Variants in DPH6 observed in about 807,000 individuals in gnomAD.
DPH6 encodes the protein diphthamine biosynthesis 6, also known as diphthine--ammonia ligase.
DPH6 carries 33 observed loss-of-function variants against 38.2 expected under a neutral mutation model. The observed-to-expected ratio is 0.86, with a 90% CI of 0.65 to 1.15. The LOEUF (loss-of-function observed/expected upper bound fraction) is 1.15, where lower values mean the gene tolerates loss of function less well. Ranked by LOEUF, DPH6 falls within the 50% of genes most tolerant of loss-of-function variation. The probability of loss-of-function intolerance (pLI) is 0.00; values close to 1 mark genes in which losing one functional copy is unlikely to be tolerated. For synonymous variants in DPH6, 108 were observed against 103.0 expected (o/e 1.05, Z -0.30); for missense variants, 325 against 320.0 (o/e 1.02, Z -0.12).
chr15:35,506,457 G>A (rs1328972528), intron 3 of DPH6, among the ~76,000 whole-genome samples: 2 of 152,128 alleles, frequency 1.3e-5, no homozygotes, highest in African/African-American at 4.8e-5. Flanking sequence ...AGAAGAGTCT[G>A]AGTGCCAGCA....
chr15:35,339,206 A>G (rs1046864128), intron 3 of DPH6, among the ~76,000 whole-genome samples: 3 of 151,386 alleles, frequency 2.0e-5, no homozygotes, highest in African/African-American at 7.3e-5. Flanking sequence ...ATAAATAAAT[A>G]TATAAATTTC....
intron 3 of DPH6, among the ~76,000 whole-genome samples, chr15:35,227,269 C>T (rs1313790358): frequency 8.1e-5 from 12 of 148,944 alleles, no homozygotes; most frequent in South Asian, 2.1e-4. Flanking sequence ...CTGCAAGCTC[C>T]GCCTCCCGGG....
chr15:35,459,029 C>T (rs1373825048), intron 3 of DPH6, among the ~76,000 whole-genome samples: 2 of 152,144 alleles, frequency 1.3e-5, no homozygotes, highest in Admixed American at 1.3e-4. Flanking sequence ...AAAATATATA[C>T]ATGTTTTAAA....
intron 3 of DPH6, among the ~76,000 whole-genome samples, chr15:35,478,404 C>CACAT (rs1337564814): frequency 0.014 from 1,844 of 136,314 alleles, 18 homozygotes; most frequent in East Asian, 0.025. Flanking sequence ...CACACACACA[C>CACAT]AAAGATTGTA....
Position 35,242,787 on chromosome 15 carries a change from T to C in DPH6, n.201-22205A>G, listed in dbSNP as rs2051609264. Among the ~76,000 whole-genome samples the C allele has an allele frequency of 1.4e-5, 2 of 142,070 alleles. 1 individual carries two copies. 93.2% of individuals were successfully genotyped at this position (142,070 alleles called of 152,430 possible). On this transcript the variant is annotated intron_variant and non_coding_transcript_variant, in intron 3 of 3. Transcript: ENST00000560386. ...GACGCTCCTTTTTATTAGGCCCCAGTCTCATTCCAGACACCAGACCAACTT... is the reference window on the plus strand; with the variant it reads ...GACGCTCCTTTTTATTAGGCCCCAGCCTCATTCCAGACACCAGACCAACTT...
the DPH6 span, among the ~76,000 whole-genome samples, chr15:35,179,752 T>G: frequency 6.6e-6 from 1 of 152,090 alleles, no homozygotes; most frequent in Non-Finnish European, 1.5e-5. Flanking sequence ...GGGTGATACT[T>G]GTGAGAATGA....
chr15:35,227,347 C>T (rs952505591), intron 3 of DPH6, among the ~76,000 whole-genome samples: 2 of 151,710 alleles, frequency 1.3e-5, no homozygotes, highest in African/African-American at 2.4e-5. Context: ...CCACACCCGG[C>T]TAATTTTTTG....
intron 5 of DPH6, among the ~76,000 whole-genome samples, chr15:35,437,792 T>C (rs964732144): frequency 6.6e-6 from 1 of 152,238 alleles, no homozygotes. Context: ...TCTTGTTTTA[T>C]GTCCTTGGAA....
intron 6 of DPH6, among the ~76,000 whole-genome samples, chr15:35,382,561 G>C (rs1374899330): frequency 6.6e-6 from 1 of 152,132 alleles, no homozygotes; most frequent in Admixed American, 6.5e-5. Flanking sequence ...AAAAATATAT[G>C]CAGCCAAATT....
intron 5 of DPH6, among the ~76,000 whole-genome samples, chr15:35,423,605 A>C (rs2053533232): frequency 6.6e-6 from 1 of 151,632 alleles, no homozygotes; most frequent in Non-Finnish European, 1.5e-5. Context: ...CATATAAAAA[A>C]AAATCATTGT....
chr15:35,486,553 T>C (rs2054400797), intron 3 of DPH6, among the ~76,000 whole-genome samples: 1 of 151,262 alleles, frequency 6.6e-6, no homozygotes, highest in Non-Finnish European at 1.5e-5. Context: ...TGTACTATCA[T>C]GAGAACAGCA....
intron 3 of DPH6, among the ~76,000 whole-genome samples, chr15:35,342,461 C>T (rs754187782): frequency 6.6e-6 from 1 of 152,188 alleles, no homozygotes; most frequent in Non-Finnish European, 1.5e-5. Context: ...TGTTGTTCCA[C>T]CCTGCTTTTC....
chr15:35,320,383 T>G (rs1468560849), intron 3 of DPH6, among the ~76,000 whole-genome samples: 1 of 152,150 alleles, frequency 6.6e-6, no homozygotes, highest in African/African-American at 2.4e-5. Flanking sequence ...TTGGATATCT[T>G]TTGAGTGTAT....
intron 3 of DPH6, among the ~76,000 whole-genome samples, chr15:35,331,883 G>A (rs1415399831): frequency 6.6e-6 from 1 of 152,164 alleles, no homozygotes; most frequent in Admixed American, 6.6e-5. Context: ...CACAAGAGCT[G>A]AGGGAGCGCC....
chr15:35,437,274 CCT>C (rs2053728910), intron 5 of DPH6, among the ~76,000 whole-genome samples: 2 of 152,068 alleles, frequency 1.3e-5, no homozygotes, highest in East Asian at 1.9e-4. Context: ...TTGAATGCAC[CCT>C]GAGTCCTGGG....
intron 4 of DPH6, among the ~76,000 whole-genome samples, chr15:35,451,785 T>C (rs568400970): frequency 8.5e-4 from 129 of 152,090 alleles, no homozygotes; most frequent in Non-Finnish European, 1.6e-3. Context: ...CCAAGGCGGG[T>C]GGATCACGAG....
intron 6 of DPH6, among the ~76,000 whole-genome samples, chr15:35,385,555 G>A (rs1032395451): frequency 6.6e-6 from 1 of 152,082 alleles, no homozygotes; most frequent in African/African-American, 2.4e-5. Flanking sequence ...ATAAGTGGGA[G>A]TTGAACAATG....
chr15:35,280,444 G>C (rs150740431), intron 3 of DPH6, among the ~76,000 whole-genome samples: 17 of 152,274 alleles, frequency 1.1e-4, no homozygotes, highest in African/African-American at 3.6e-4. Flanking sequence ...AGTGATTTAA[G>C]CTAGAATTTA....
intron 3 of DPH6, among the ~76,000 whole-genome samples, chr15:35,512,495 T>A (rs1420554177): frequency 1.3e-5 from 2 of 152,128 alleles, no homozygotes; most frequent in Admixed American, 6.5e-5. Context: ...AGGCCACTGG[T>A]CATCGATCTA....
Sources: allele counts gnomAD v4.1 joint callset (sites outside exome capture counted in the v4.1 genomes callset), GRCh38; gene constraint gnomAD v4.1.1; transcripts MANE v1.5; gene names NCBI Gene and HGNC (gene_info 2026-07-23, HGNC 2026-07-21).